Variants in DGKI observed in about 807,000 individuals in gnomAD.
DGKI encodes DAG kinase iota.
DGKI carries 55 observed loss-of-function variants against 147.5 expected under a neutral mutation model. The observed-to-expected ratio is 0.37, with a 90% CI of 0.30 to 0.47. The LOEUF (loss-of-function observed/expected upper bound fraction) is 0.47, where lower values mean the gene tolerates loss of function less well. Ranked by LOEUF, DGKI falls within the 20% of genes least tolerant of loss-of-function variation. The pLI, the probability that DGKI is intolerant of heterozygous loss-of-function variation, is 1.00. For missense variants in DGKI, 1,007 were observed against 1,323.8 expected, an observed-to-expected ratio of 0.76 and a Z score of 3.71; for synonymous variants, 469 against 477.1, an observed-to-expected ratio of 0.98 and a Z score of 0.22.
At chr7:137,517,245 GA>G (rs879437109) in intron 21 of DGKI, among the ~76,000 whole-genome samples, 1,526 of 98,110 alleles carry the variant, frequency 0.016, 65 homozygotes, top group East Asian at 0.083. Context: ...AAGAAAGAAA[GA>G]AAAGAAAAAG....
At chr7:137,722,534 G>A (rs1030598155) in intron 1 of DGKI, 21 of 1,607,154 alleles carry the variant, frequency 1.3e-5, no homozygotes, top group Non-Finnish European at 1.5e-5. Flanking sequence ...GTCCTCAATC[G>A]AGTTCCTCTA....
At chr7:137,427,800 G>C (rs1812883561) in intron 28 of DGKI, among the ~76,000 whole-genome samples, 1 of 152,212 alleles carries the variant, frequency 6.6e-6, no homozygotes, top group Non-Finnish European at 1.5e-5. Flanking sequence ...AGAATACCTA[G>C]AAGAAATGGA....
At chr7:137,593,491 G>A (rs1819684185) in intron 12 of DGKI, among the ~76,000 whole-genome samples, 1 of 152,174 alleles carries the variant, frequency 6.6e-6, no homozygotes, top group Admixed American at 6.5e-5. Context: ...TCTGAAAATG[G>A]GATCAGACCA....
At chr7:137,630,082 G>A (rs1021691224) in intron 6 of DGKI, among the ~76,000 whole-genome samples, 2 of 152,190 alleles carry the variant, frequency 1.3e-5, no homozygotes, top group East Asian at 3.9e-4. Flanking sequence ...TATAATTTCT[G>A]ACAGTGTTGC....
intron 30 of DGKI, among the ~76,000 whole-genome samples, chr7:137,400,752 A>T (rs1199579146): frequency 1.4e-5 from 2 of 143,396 alleles, no homozygotes; most frequent in Middle Eastern, 3.6e-3. Context: ...ATTAATATCT[A>T]AAAAAAAAAT....
chr7:137,529,564 T>A (rs1160554088), intron 20 of DGKI, among the ~76,000 whole-genome samples: 1 of 152,212 alleles, frequency 6.6e-6, no homozygotes, highest in Non-Finnish European at 1.5e-5. Flanking sequence ...CTTCCCTCAG[T>A]GGCATTGCAG....
intron 1 of DGKI, among the ~76,000 whole-genome samples, chr7:137,825,670 ACT>A (rs1350452425): frequency 2.0e-5 from 3 of 151,622 alleles, no homozygotes; most frequent in East Asian, 1.9e-4. Flanking sequence ...ACATACACAC[ACT>A]CACACACACA....
At chr7:137,770,572 C>T (rs1205455438) in intron 1 of DGKI, among the ~76,000 whole-genome samples, 1 of 43,626 alleles carries the variant, frequency 2.3e-5, no homozygotes, top group South Asian at 6.5e-4. Flanking sequence ...CTCGCTCTGT[C>T]GCCCAGGCTG....
chr7:137,752,530 C>G (rs1033580224), intron 1 of DGKI, among the ~76,000 whole-genome samples: 1 of 152,162 alleles, frequency 6.6e-6, no homozygotes. Context: ...GATAGCCCAG[C>G]GCCGCACCTT....
At position 137,419,306 on chromosome 7, in the gene DGKI, C is replaced by A. The variant is rs563974588; in HGVS notation, c.2762-7099G>T. Among the ~76,000 whole-genome samples, 8 of 152,314 alleles carry A rather than the reference C, an allele frequency of 5.3e-5. No homozygotes were observed. The South Asian group carries it at 1.5e-3, about 28-fold the overall frequency. ...CATCGCAAATGTGACACAAATAATT[C>A]TCTTGATCTTATCATGACTGAAGTC... On this transcript the variant is annotated intron_variant, in intron 28 of 32. Coordinates refer to ENST00000614521, the MANE Select transcript of DGKI (RefSeq NM_001321708.2).
chr7:137,469,550 C>T lies in DGKI; in HGVS notation c.2443G>A (p.Ala815Thr). Residue 815 changes from alanine (A) to threonine (T), a missense_variant and splice_region_variant, in exon 24 of 33, where the codon GCA becomes ACA. Ala to Thr is a moderately conservative substitution (Grantham distance 58, BLOSUM62 0). Around this residue, in one of 5 missense-constraint regions of DGKI, gnomAD observed 385 missense variants for 445.2 expected, o/e 0.86. Transcript: ENST00000614521. ...RLSPRWCFLD[A>T]TSADRFYRID... is the part of the protein sequence containing the mutation. ...TACCCGCAAGAAAGGCAGAACTCAC[C>T]ATCTAGGAAGCACCACCGAGGAGAG... 1.2e-6 allele frequency: 2 copies of T among 1,613,830 alleles called. No homozygotes were observed. The highest frequency in any genetic ancestry group is 1.7e-6 in the Non-Finnish European group (2 of 1,179,862).
At chr7:137,529,002 A>G (rs912863775) in intron 20 of DGKI, among the ~76,000 whole-genome samples, 5 of 152,230 alleles carry the variant, frequency 3.3e-5, no homozygotes, top group African/African-American at 4.8e-5. Flanking sequence ...GATGCATATC[A>G]AAGAAATATT....
chr7:137,711,381 AAT>A (rs1380624580), intron 1 of DGKI, among the ~76,000 whole-genome samples: 8 of 152,378 alleles, frequency 5.3e-5, no homozygotes, highest in East Asian at 3.9e-4. Context: ...AATACATTGC[AAT>A]ATAGTCATAC....
chr7:137,547,503 A>G lies in DGKI; in HGVS notation c.2147+4866T>C, dbSNP rs144810585. Among the ~76,000 whole-genome samples the G allele has an allele frequency of 5.9e-3, 905 of 152,336 alleles. 5 individuals are homozygous for G. Among genetic ancestry groups the G allele is most frequent in the Middle Eastern group, 0.02 (6 of 294 alleles). On this transcript the variant is annotated intron_variant, in intron 20 of 32. Transcript: ENST00000614521. ...TATTAAATATGTATCTTTCACTTAT[A>G]AGACAATGTGACCAAAACACATTTG...
At chr7:137,570,094 G>A (rs1380880237) in intron 19 of DGKI, among the ~76,000 whole-genome samples, 1 of 152,048 alleles carries the variant, frequency 6.6e-6, no homozygotes, top group Non-Finnish European at 1.5e-5. Context: ...ATTTTGATTT[G>A]TTTAGAATGA....
chr7:137,438,969 TAAAACAAGAA>T (rs1196239078), intron 28 of DGKI, among the ~76,000 whole-genome samples: 2 of 152,114 alleles, frequency 1.3e-5, no homozygotes, highest in Non-Finnish European at 2.9e-5. Flanking sequence ...ATATATGTAG[TAAAACAAGAA>T]GAAACAAGGA....
At chr7:137,734,950 T>C (rs967447687) in intron 1 of DGKI, among the ~76,000 whole-genome samples, 2 of 152,118 alleles carry the variant, frequency 1.3e-5, no homozygotes, top group African/African-American at 4.8e-5. Flanking sequence ...TGATGGCTTG[T>C]CAATTTGCCC....
intron 12 of DGKI, among the ~76,000 whole-genome samples, chr7:137,594,885 C>T (rs1159007821): frequency 6.6e-6 from 1 of 152,164 alleles, no homozygotes; most frequent in Non-Finnish European, 1.5e-5. Context: ...ACATAAGGTA[C>T]AAGATAAGCA....
At chr7:137,469,685 C>T in intron 23 of DGKI, 66 bp from the exon 24 acceptor site, 1 of 1,452,420 alleles carries the variant, frequency 6.9e-7, no homozygotes, top group East Asian at 2.3e-5. Flanking sequence ...CCTCACTCAG[C>T]ATTCTGCCAT....
Sources: allele counts gnomAD v4.1 joint callset (sites outside exome capture counted in the v4.1 genomes callset), GRCh38; gene constraint gnomAD v4.1.1; regional missense constraint gnomAD v4.1.1; transcripts MANE v1.5; gene names NCBI Gene and HGNC (gene_info 2026-07-23, HGNC 2026-07-21).